Variants in DYNC2H1 observed in about 807,000 individuals in gnomAD.
The protein encoded by DYNC2H1 is dynein cytoplasmic 2 heavy chain 1.
Under a neutral mutation model 570.0 loss-of-function variants are expected in DYNC2H1, and 410 were observed. The observed-to-expected ratio is 0.72, with a 90% CI of 0.66 to 0.78. DYNC2H1 has a LOEUF of 0.78. Among genes scored for constraint, DYNC2H1 ranks in the 30% least tolerant of loss-of-function variants. The pLI is 0.00. For missense variants in DYNC2H1, 4,865 were observed against 5,046.4 expected (o/e 0.96, Z 1.09); for synonymous variants, 1,688 against 1,677.6 (o/e 1.01, Z -0.15).
At chr11:103,386,104 A>G (rs1006619033) in intron 83 of DYNC2H1, among the ~76,000 whole-genome samples, 20 of 152,224 alleles carry the variant, frequency 1.3e-4, no homozygotes, top group Admixed American at 5.2e-4. Flanking sequence ...CTGAACTCGT[A>G]GTTACATTTG....
At chr11:103,364,493 A>T (rs1940800533) in intron 83 of DYNC2H1, among the ~76,000 whole-genome samples, 3 of 152,024 alleles carry the variant, frequency 2.0e-5, no homozygotes, top group Admixed American at 1.3e-4. Context: ...TTTCTTTTTA[A>T]ATTTAAATTG....
intron 84 of DYNC2H1, chr11:103,403,355 A>T (rs993066040): frequency 1.3e-5 from 2 of 152,072 alleles, no homozygotes; most frequent in African/African-American, 2.4e-5. Context: ...TAACTGAATA[A>T]TGTAGAATAA....
Position 103,312,025 on chromosome 11 carries a change from A to G in DYNC2H1, c.11641A>G (p.Ile3881Val), listed in dbSNP as rs1387960296. Residue 3881 changes from isoleucine (I) to valine (V), a missense_variant, in exon 79 of 89, where the codon ATT (isoleucine) becomes GTT (valine). Around this residue, in one of 5 missense-constraint regions of DYNC2H1, gnomAD observed 2,401 missense variants for 2,454.6 expected, o/e 0.98. Coordinates refer to ENST00000375735, the MANE Select transcript of DYNC2H1 (RefSeq NM_001377.3). ...TGCATGTCAAGAAAGAAGAAACTAT[A>G]TTCCTCAGGTAAGTAAGAACATGTC... Reference protein sequence around the residue: ...HAACQERRNYIPQGWTKFYEF... With the variant: ...HAACQERRNYVPQGWTKFYEF... The G allele has an allele frequency of 1.9e-6, 3 of 1,609,456 alleles. No individual in the cohort carries two copies. Among genetic ancestry groups the G allele is most frequent in the Non-Finnish European group, 2.5e-6 (3 of 1,178,708 alleles).
chr11:103,165,856 T>A, intron 30 of DYNC2H1, 42 bp from the exon 31 acceptor site: 1 of 1,391,008 alleles, frequency 7.2e-7, no homozygotes, highest in Non-Finnish European at 9.5e-7. Context: ...TATTTCTAAG[T>A]AAATTCACCT....
At position 103,156,477 on chromosome 11, in the gene DYNC2H1, A is replaced by G. The variant is rs965432416; in HGVS notation, c.3834A>G (p.Leu1278=). 1.2e-6 allele frequency: 2 copies of G among 1,613,634 alleles called. No homozygotes were observed. Among genetic ancestry groups the G allele is most frequent in the African/African-American group, 2.7e-5 (2 of 74,910 alleles). ...GGGGAGTTGGAGCAGTGTTTACATT[A>G]ATTGATTATGAAGACAGCCAAAGTC... ...DLWGVGAVFT[L]IDYEDSQSRT... Residue 1278 remains leucine (L), a synonymous_variant, in exon 26 of 89, where the codon TTA becomes TTG. Coordinates refer to ENST00000375735, the MANE Select transcript of DYNC2H1 (RefSeq NM_001377.3).
rs543067430 is a variant in DYNC2H1 at position 103,467,799 on chromosome 11, A to T, written c.12649-790A>T. On this transcript the variant is annotated intron_variant, in intron 87 of 88. Transcript: ENST00000375735. ...TGATCCGCCCGCCTCAGCCTCCCAAAGTGCTGGGATTACAGGTGTGAGCCA... is the reference window on the plus strand; with the variant it reads ...TGATCCGCCCGCCTCAGCCTCCCAATGTGCTGGGATTACAGGTGTGAGCCA... 1.4e-3 allele frequency among the ~76,000 whole-genome samples: 214 copies of T among 152,206 alleles called. 1 individual carries two copies. The highest frequency in any genetic ancestry group is 5.0e-3 in the African/African-American group (207 of 41,520).
At position 103,241,856 on chromosome 11, in the gene DYNC2H1, G is replaced by T. The variant is rs1864433829; in HGVS notation, c.9820-1837G>T. 6.8e-6 allele frequency among the ~76,000 whole-genome samples: 1 copy of T among 147,548 alleles called. No individual in the cohort carries two copies. Among genetic ancestry groups the T allele is most frequent in the African/African-American group, 2.6e-5 (1 of 38,196 alleles). ...GTGAAAACAAGGTACCTTGTCTGTG[G>T]ACCATTTTAAAATAATAATAATAAA... On this transcript the variant is annotated intron_variant, in intron 63 of 88. Coordinates refer to ENST00000375735, the MANE Select transcript of DYNC2H1 (RefSeq NM_001377.3). The surrounding 1 kb of genome is among the most constrained non-coding windows in gnomAD (Gnocchi z 5.1).
rs1207279473 is a variant in DYNC2H1, at chr11:103,256,148, T to A, written c.10369T>A (p.Leu3457Met). The A allele has an allele frequency of 6.2e-7, 1 of 1,608,604 alleles. No homozygotes were observed. Among genetic ancestry groups the A allele is most frequent in the South Asian group, 1.1e-5 (1 of 90,256 alleles). ...SQGNILENKD[L>M]IESLNQTKAS... ...AGGCAATATTTTGGAAAATAAGGAT[T>A]TGATTGAGTCTTTGAATCAGACAAA... The change falls in exon 68 of 89, where the codon TTG (leucine) becomes ATG (methionine). Residue 3457 changes from leucine (L) to methionine (M), a missense_variant. Physicochemically the swap from Leu to Met is conservative, Grantham distance 15. This residue lies in a region of DYNC2H1 where 2,401 missense variants were observed against 2,454.6 expected (regional missense o/e 0.98). Coordinates refer to ENST00000375735, the MANE Select transcript of DYNC2H1 (RefSeq NM_001377.3). This position sits in a 1 kb window ranked among gnomAD's most constrained non-coding sequence, Gnocchi z 4.0.
intron 70 of DYNC2H1, among the ~76,000 whole-genome samples, chr11:103,267,419 A>G (rs1865553287): frequency 6.6e-6 from 1 of 151,024 alleles, no homozygotes; most frequent in Admixed American, 6.6e-5. Context: ...GCACTTGACT[A>G]TAATCCAAAC....
intron 60 of DYNC2H1, among the ~76,000 whole-genome samples, chr11:103,233,509 T>G (rs1864093570): frequency 6.6e-6 from 1 of 151,952 alleles, no homozygotes; most frequent in Non-Finnish European, 1.5e-5. Context: ...TTTGAAATTT[T>G]ATTTGTATTT....
At chr11:103,159,144 A>G in intron 28 of DYNC2H1, 117 bp downstream of exon 28, 2 of 718,496 alleles carry the variant, frequency 2.8e-6, no homozygotes, top group Non-Finnish European at 4.6e-6. Context: ...ACCCAAATAC[A>G]GTTCCTGTAC....
intron 88 of DYNC2H1, among the ~76,000 whole-genome samples, chr11:103,476,048 T>C (rs1945537307): frequency 6.6e-6 from 1 of 152,328 alleles, no homozygotes; most frequent in African/African-American, 2.4e-5. Flanking sequence ...GTCTAACAAA[T>C]ATGTGATCTT....
Position 103,173,230 on chromosome 11 carries a change from T to C in DYNC2H1, c.5483T>C (p.Val1828Ala). 6.2e-7 allele frequency: 1 copy of C among 1,601,694 alleles called. No individual in the cohort carries two copies. The highest frequency in any genetic ancestry group is 8.5e-7 in the Non-Finnish European group (1 of 1,174,118). ...CCAGACAATGAGCTTATTGCAGAAG[T>C]TATTCTCTATTCGGAAGGCTTTAAA... ...SHPDNELIAE[V>A]ILYSEGFKDA... Residue 1828 changes from valine (V) to alanine (A), a missense_variant, in exon 35 of 89, where the codon GTT (valine) becomes GCT (alanine). Coordinates refer to ENST00000375735, the MANE Select transcript of DYNC2H1 (RefSeq NM_001377.3).
At chr11:103,115,069 G>A in intron 3 of DYNC2H1, 108 bp from the exon 4 acceptor site, 1 of 660,464 alleles carries the variant, frequency 1.5e-6, no homozygotes, top group Non-Finnish European at 2.6e-6. Flanking sequence ...ACCTCAGCTA[G>A]GAGCATATGT....
chr11:103,344,868 C>G (rs568456102), intron 82 of DYNC2H1, among the ~76,000 whole-genome samples: 1 of 152,124 alleles, frequency 6.6e-6, no homozygotes, highest in East Asian at 1.9e-4. Flanking sequence ...GAACCAATAA[C>G]TTAACCCAAG....
intron 82 of DYNC2H1, among the ~76,000 whole-genome samples, chr11:103,332,298 GA>G (rs1938850182): frequency 8.6e-6 from 1 of 116,232 alleles, no homozygotes; most frequent in East Asian, 2.5e-4. Context: ...GAAACATAAG[GA>G]GAAAAAAACT....
chr11:103,224,702 T>C (rs774345062), intron 59 of DYNC2H1, among the ~76,000 whole-genome samples: 7 of 152,254 alleles, frequency 4.6e-5, no homozygotes, highest in Non-Finnish European at 7.3e-5. Context: ...TTTGTGCTGC[T>C]ACAAACATGC....
In DYNC2H1 at chr11:103,453,902, A is replaced by T. The variant is rs1038949343; in HGVS notation, c.12457-1284A>T. 4.4e-4 allele frequency among the ~76,000 whole-genome samples: 67 copies of T among 152,038 alleles called. No individual in the cohort carries two copies. In the Middle Eastern group the frequency reaches 0.017, roughly 39 times the overall value. On this transcript the variant is annotated intron_variant, in intron 85 of 88. Transcript: ENST00000375735. Reference sequence around the variant, plus strand: ...ATAGGGAATAAATATGCTATGTATAATATTATTTAATTGAAAATACTTTAT... The same window carrying T: ...ATAGGGAATAAATATGCTATGTATATTATTATTTAATTGAAAATACTTTAT...
At chr11:103,121,173 T>C in intron 9 of DYNC2H1, 137 bp downstream of exon 9, 1 of 914,414 alleles carries the variant, frequency 1.1e-6, no homozygotes. Flanking sequence ...ACTTATTCTG[T>C]TATAAATGAC....
Sources: allele counts gnomAD v4.1 joint callset (sites outside exome capture counted in the v4.1 genomes callset), GRCh38; gene constraint gnomAD v4.1.1; regional missense constraint gnomAD v4.1.1; non-coding constraint Gnocchi (gnomAD v3.1); transcripts MANE v1.5; gene names NCBI Gene and HGNC (gene_info 2026-07-23, HGNC 2026-07-21).